The following IQSEC1 variants were observed in gnomAD, a reference collection of about 807,000 sequenced individuals.
The protein encoded by IQSEC1 is IQ motif and Sec7 domain ArfGEF 1, also known as IQ motif and SEC7 domain-containing protein 1.
IQSEC1 carries 31 observed loss-of-function variants against 91.0 expected under a neutral mutation model. That is an observed-to-expected ratio of 0.34 (90% CI 0.26 to 0.46). The LOEUF (loss-of-function observed/expected upper bound fraction) is 0.46. Among genes scored for constraint, IQSEC1 ranks in the 20% least tolerant of loss-of-function variants. The pLI, the probability that IQSEC1 is intolerant of heterozygous loss-of-function variation, is 1.00. For synonymous variants in IQSEC1, 699 were observed against 662.6 expected, an observed-to-expected ratio of 1.05 and a Z score of -0.84; for missense variants, 1,388 against 1,575.6, an observed-to-expected ratio of 0.88 and a Z score of 2.02.
chr3:13,021,158 C>T (rs554266636), intron 1 of IQSEC1, among the ~76,000 whole-genome samples: 3 of 152,306 alleles, frequency 2.0e-5, no homozygotes, highest in South Asian at 2.1e-4. Context: ...ATTCGGGCCC[C>T]GTGTAGTTCC....
intron 1 of IQSEC1, among the ~76,000 whole-genome samples, chr3:13,272,186 A>G (rs1396651625): frequency 6.6e-5 from 10 of 152,100 alleles, no homozygotes; most frequent in Non-Finnish European, 1.3e-4. Context: ...TCATACCACA[A>G]CCTTCCCAAC....
Position 12,979,183 on chromosome 3 carries a change from G to T in IQSEC1, c.24-37318C>A, listed in dbSNP as rs1209510297. Among the ~76,000 whole-genome samples, 1 of 152,148 alleles carries T rather than the reference G, an allele frequency of 6.6e-6. No individual in the cohort carries two copies. The highest frequency in any genetic ancestry group is 2.4e-5 in the African/African-American group (1 of 41,418). ...ATTCTATCAAGAAAACTTTATATCT[G>T]CTCCACAAGTGAAAAGCCAGCCTCA... On this transcript the variant is annotated intron_variant, in intron 1 of 13. Transcript: ENST00000613206. This position sits in a 1 kb window ranked among gnomAD's most constrained non-coding sequence, Gnocchi z 4.3.
chr3:13,264,111 C>T (rs1287399273), intron 1 of IQSEC1, among the ~76,000 whole-genome samples: 2 of 152,202 alleles, frequency 1.3e-5, no homozygotes, highest in Admixed American at 1.3e-4. Flanking sequence ...ACGGCGCCGG[C>T]CAGGCCACTG....
chr3:13,027,450 G>A (rs535786897), intron 1 of IQSEC1, among the ~76,000 whole-genome samples: 27 of 152,346 alleles, frequency 1.8e-4, no homozygotes, highest in Middle Eastern at 3.4e-3. Context: ...TTTACTTGCT[G>A]TGCAGAAAAG....
At chr3:13,227,599 C>T (rs1438692668) in intron 1 of IQSEC1, among the ~76,000 whole-genome samples, 1 of 151,882 alleles carries the variant, frequency 6.6e-6, no homozygotes, top group East Asian at 1.9e-4. Flanking sequence ...TGGGAGGGTG[C>T]TGAGCAGAGG....
intron 1 of IQSEC1, among the ~76,000 whole-genome samples, chr3:13,239,131 A>G (rs1694979235): frequency 2.0e-5 from 3 of 152,200 alleles, no homozygotes; most frequent in African/African-American, 7.2e-5. Context: ...AGTTAGAGCA[A>G]GTTATGGATT....
chr3:13,090,941 C>G (rs751369820), intron 2 of IQSEC1, among the ~76,000 whole-genome samples: 1 of 152,172 alleles, frequency 6.6e-6, no homozygotes, highest in African/African-American at 2.4e-5. Flanking sequence ...ACCCCAGCCG[C>G]GGGGACAGCA....
chr3:12,954,739 T>G (rs1699790288), intron 1 of IQSEC1, among the ~76,000 whole-genome samples: 1 of 152,206 alleles, frequency 6.6e-6, no homozygotes, highest in African/African-American at 2.4e-5. Flanking sequence ...GCTGGGCACA[T>G]GGCAGGCGCT....
At chr3:12,987,800 A>G (rs1043806037) in intron 1 of IQSEC1, among the ~76,000 whole-genome samples, 1 of 152,262 alleles carries the variant, frequency 6.6e-6, no homozygotes, top group Non-Finnish European at 1.5e-5. Flanking sequence ...CACTCCACCA[A>G]TGATGAAATC....
At position 12,897,473 on chromosome 3, in the gene IQSEC1, G is replaced by A. The variant is rs994159834; in HGVS notation, c.*3510C>T. The stretch of plus-strand genomic sequence containing the variant: ...AGGCAAAAGATATTTTCCAAGAGGA[G>A]ATGCATGCTGTGTGCAGTCTCGATG... On this transcript the variant is annotated 3_prime_UTR_variant, in exon 14 of 14. Transcript: ENST00000613206. 1.3e-5 allele frequency: 2 copies of A among 152,228 alleles called. No individual in the cohort carries two copies. The highest frequency in any genetic ancestry group is 1.3e-4 in the Admixed American group (2 of 15,278). 9.4% of individuals were successfully genotyped at this position (152,228 alleles called of 1,614,324 possible).
chr3:13,037,409 G>A (rs1704076686), intron 1 of IQSEC1, among the ~76,000 whole-genome samples: 1 of 152,214 alleles, frequency 6.6e-6, no homozygotes, highest in African/African-American at 2.4e-5. Flanking sequence ...GAACAGGAGA[G>A]CAGATACTTA....
intron 1 of IQSEC1, among the ~76,000 whole-genome samples, chr3:13,024,038 A>G (rs552931249): frequency 6.6e-6 from 1 of 152,278 alleles, no homozygotes; most frequent in African/African-American, 2.4e-5. Context: ...CTTGGACATT[A>G]CTTCCCTGTC....
intron 1 of IQSEC1, among the ~76,000 whole-genome samples, chr3:12,943,175 G>A (rs1698914351): frequency 6.6e-6 from 1 of 152,206 alleles, no homozygotes; most frequent in South Asian, 2.1e-4. Context: ...AGGTGAGTCA[G>A]AGTTCAAGCC....
chr3:12,935,375 T>A lies in IQSEC1; in HGVS notation c.1568+73A>T. 6.9e-7 allele frequency: 1 copy of A among 1,442,968 alleles called. No individual in the cohort carries two copies. The highest frequency in any genetic ancestry group is 2.3e-5 in the East Asian group (1 of 43,748). 89.4% of individuals were successfully genotyped at this position (1,442,968 alleles called of 1,614,324 possible). On this transcript the variant is annotated intron_variant, in intron 3 of 13. Transcript: ENST00000613206. The surrounding 1 kb of genome is among the most constrained non-coding windows in gnomAD (Gnocchi z 8.0). ...ACCTCAAGCTCCGTGCTTGGAAGGATGCAGCCACGCCCACCCGCCAAGGCC... is the reference window on the plus strand; with the variant it reads ...ACCTCAAGCTCCGTGCTTGGAAGGAAGCAGCCACGCCCACCCGCCAAGGCC...
intron 1 of IQSEC1, among the ~76,000 whole-genome samples, chr3:13,177,017 GCAGTGGATTAGTGGATGT>G (rs1266619460): frequency 6.6e-6 from 1 of 152,228 alleles, no homozygotes; most frequent in African/African-American, 2.4e-5. Flanking sequence ...ATAGAGACAG[GCAGTGGATTAGTGGATGT>G]CAGGGGCTGG....
At chr3:13,109,206 C>T (rs188760770) in intron 2 of IQSEC1, among the ~76,000 whole-genome samples, 6 of 152,302 alleles carry the variant, frequency 3.9e-5, no homozygotes, top group South Asian at 4.1e-4. Flanking sequence ...GACATAAGGA[C>T]GGTCCACCTG....
chr3:12,969,836 T>G (rs1346878989), intron 1 of IQSEC1, among the ~76,000 whole-genome samples: 1 of 152,262 alleles, frequency 6.6e-6, no homozygotes, highest in African/African-American at 2.4e-5. Flanking sequence ...TACCAGATGA[T>G]GGACACTCTG....
Position 13,211,990 on chromosome 3 carries a change from G to T in IQSEC1, c.273-47857C>A, listed in dbSNP as rs1222448735. On this transcript the variant is annotated intron_variant, in intron 1 of 15. Transcript: ENST00000648114. This position sits in a 1 kb window ranked among gnomAD's most constrained non-coding sequence, Gnocchi z 5.3. ...GTGTCGGTGCCCAGCCTCTGTGAGA[G>T]GCCCTAGCGGTGGCTCAGCAGCTCT... 6.6e-6 allele frequency among the ~76,000 whole-genome samples: 1 copy of T among 152,222 alleles called. No homozygotes were observed. Among genetic ancestry groups the T allele is most frequent in the Non-Finnish European group, 1.5e-5 (1 of 68,042 alleles).
intron 2 of IQSEC1, among the ~76,000 whole-genome samples, chr3:13,127,519 T>G (rs922540398): frequency 1.3e-5 from 2 of 152,236 alleles, no homozygotes; most frequent in Non-Finnish European, 2.9e-5. Context: ...CTGTCTTGAT[T>G]ATTGTAGCTA....
Sources: allele counts gnomAD v4.1 joint callset (sites outside exome capture counted in the v4.1 genomes callset), GRCh38; gene constraint gnomAD v4.1.1; non-coding constraint Gnocchi (gnomAD v3.1); transcripts MANE v1.5; gene names NCBI Gene and HGNC (gene_info 2026-07-23, HGNC 2026-07-21).